Variants in MGST1 observed in about 807,000 individuals in gnomAD.
MGST1 encodes microsomal glutathione S-transferase 1, also known as glutathione S-transferase 12.
Under a neutral mutation model 8.9 loss-of-function variants are expected in MGST1, and 5 were observed. That is an observed-to-expected ratio of 0.56 (90% CI 0.29 to 1.19). The LOEUF is 1.19. Among genes scored for constraint, MGST1 ranks in the 50% most tolerant of loss-of-function variants. The pLI is 0.08. For missense variants in MGST1, 182 were observed against 187.4 expected, an observed-to-expected ratio of 0.97 and a Z score of 0.17; for synonymous variants, 54 against 67.8, an observed-to-expected ratio of 0.80 and a Z score of 1.00.
At chr12:16,409,552 A>G (rs1591719919) in intron 1 of MGST1, among the ~76,000 whole-genome samples, 1 of 152,272 alleles carries the variant, frequency 6.6e-6, no homozygotes, top group African/African-American at 2.4e-5. Flanking sequence ...TCTGAAGTAT[A>G]AATGAATCCT....
At chr12:16,359,656 A>G (rs1939897828) in intron 3 of MGST1, among the ~76,000 whole-genome samples, 1 of 152,240 alleles carries the variant, frequency 6.6e-6, no homozygotes, top group African/African-American at 2.4e-5. Flanking sequence ...ACCACTGAAG[A>G]GACATGAAAA....
chr12:16,510,374 A>C (rs1284749108), intron 4 of MGST1, among the ~76,000 whole-genome samples: 1 of 152,238 alleles, frequency 6.6e-6, no homozygotes, highest in East Asian at 1.9e-4. Context: ...TTTCCTCACA[A>C]ACTTTGCCAG....
At chr12:16,433,093 G>A (rs2193138) in intron 1 of MGST1, among the ~76,000 whole-genome samples, 152,089 of 152,218 alleles carry the variant, frequency 1, 75,980 homozygotes, top group Non-Finnish European at 1. Context: ...GCTGAGGAGC[G>A]AGGAAGCCAG....
At chr12:16,438,672 T>A (rs1174800084) in exon 2 of MGST1, 2 of 151,904 alleles carry the variant, frequency 1.3e-5, no homozygotes, top group Non-Finnish European at 2.9e-5. Flanking sequence ...CTGCTTCGTT[T>A]CCTTCTTTAT....
chr12:16,357,645 G>A lies in MGST1; in HGVS notation c.167G>A (p.Gly56Glu), dbSNP rs1939781049. ...NPEDCVAFGK[G>E]ENAKKYLRTD... ...GAAGACTGTGTAGCATTTGGCAAAG[G>A]AGAAAATGCCAAGAAGTATCTTCGA... The change falls in exon 3 of 4, where the codon GGA (glycine) becomes GAA (glutamate). Residue 56 changes from glycine (G) to glutamate (E), a missense_variant. Coordinates refer to ENST00000396210, the MANE Select transcript of MGST1 (RefSeq NM_020300.5). 1 of 1,613,866 alleles carries A rather than the reference G, an allele frequency of 6.2e-7. No individual in the cohort carries two copies. The highest frequency in any genetic ancestry group is 1.7e-5 in the Admixed American group (1 of 59,970).
intron 4 of MGST1, among the ~76,000 whole-genome samples, chr12:16,502,052 G>C (rs961974889): frequency 6.6e-6 from 1 of 151,974 alleles, no homozygotes; most frequent in African/African-American, 2.4e-5. Flanking sequence ...GCTCAAATCC[G>C]AACAAATAAA....
At chr12:16,352,439 T>C (rs1939511434) in intron 1 of MGST1, among the ~76,000 whole-genome samples, 1 of 152,176 alleles carries the variant, frequency 6.6e-6, no homozygotes, top group Admixed American at 6.5e-5. Flanking sequence ...GAGACAGTAC[T>C]ACATGCCAAG....
chr12:16,549,798 A>C (rs1941919304), intron 4 of MGST1: 2 of 152,050 alleles, frequency 1.3e-5, no homozygotes, highest in African/African-American at 4.8e-5. Context: ...TCATATTCTC[A>C]TTTCCTTAAT....
chr12:16,499,247 C>G (rs1333971178), intron 4 of MGST1, among the ~76,000 whole-genome samples: 1 of 152,182 alleles, frequency 6.6e-6, no homozygotes, highest in East Asian at 1.9e-4. Context: ...TAAAATTATT[C>G]ACTTCGAATA....
Position 16,401,304 on chromosome 12 carries a change from T to C in MGST1, n.778+17700T>C. ...CCAAACTGATGCTGAAAACCATTCC[T>C]GTCTTCAGTTTGTATTGATTTTTAC... On this transcript the variant is annotated intron_variant and non_coding_transcript_variant, in intron 1 of 1. Coordinates refer to the MGST1 transcript ENST00000359720. This position sits in a 1 kb window ranked among gnomAD's most constrained non-coding sequence, Gnocchi z 4.3. 1.4e-6 allele frequency: 2 copies of C among 1,478,816 alleles called. No individual in the cohort carries two copies. The highest frequency in any genetic ancestry group is 1.9e-6 in the Non-Finnish European group (2 of 1,060,044). The allele number at this position is 1,478,816 out of a possible 1,614,324, so 91.6% of individuals were successfully genotyped here. A position where few individuals can be genotyped will look rare whatever the true frequency, so the allele number is the denominator to read the frequency against.
At chr12:16,592,155 ATTAT>A (rs1943514224), downstream of MGST1, among the ~76,000 whole-genome samples, 3 of 152,050 alleles carry the variant, frequency 2.0e-5, no homozygotes, top group Non-Finnish European at 4.4e-5. Flanking sequence ...TTTCACATTC[ATTAT>A]TTATAAGAAC....
chr12:16,361,974 A>G lies in MGST1; in HGVS notation c.222-1821A>G, dbSNP rs994856378. On this transcript the variant is annotated intron_variant, in intron 3 of 3. Coordinates refer to ENST00000396210, the MANE Select transcript of MGST1 (RefSeq NM_020300.5). This position sits in a 1 kb window ranked among gnomAD's most constrained non-coding sequence, Gnocchi z 4.2. ...CTTCTCTGCTTTAACATTCCATTCT[A>G]TTTGTCAACTGCGTAACACAGGCGT... 3.9e-5 allele frequency among the ~76,000 whole-genome samples: 6 copies of G among 151,992 alleles called. No individual in the cohort carries two copies. Among genetic ancestry groups the G allele is most frequent in the Admixed American group, 2.0e-4 (3 of 15,264 alleles).
chr12:16,502,649 A>G (rs1941511884), intron 4 of MGST1, among the ~76,000 whole-genome samples: 1 of 152,236 alleles, frequency 6.6e-6, no homozygotes, highest in South Asian at 2.1e-4. Context: ...CGTATCAAAA[A>G]ACACTGAAGT....
Position 16,547,840 on chromosome 12 carries a change from T to A in MGST1, n.483-41688T>A, listed in dbSNP as rs137919325. On this transcript the variant is annotated intron_variant and non_coding_transcript_variant, in intron 4 of 4. Coordinates refer to the MGST1 transcript ENST00000538857. The surrounding 1 kb of genome is among the most constrained non-coding windows in gnomAD (Gnocchi z 4.6). Reference sequence around the variant, plus strand: ...TTACTGAAGTGAACACTAAACATGTTTGGCCTACATAATTTCTACGAAACT... The same window carrying A: ...TTACTGAAGTGAACACTAAACATGTATGGCCTACATAATTTCTACGAAACT... 1.4e-3 allele frequency among the ~76,000 whole-genome samples: 220 copies of A among 152,282 alleles called. No individual in the cohort carries two copies. The highest frequency in any genetic ancestry group is 4.7e-3 in the African/African-American group (197 of 41,574).
chr12:16,444,332 C>T (rs1415508563), intron 4 of MGST1, among the ~76,000 whole-genome samples: 3 of 151,724 alleles, frequency 2.0e-5, no homozygotes, highest in East Asian at 3.9e-4. Flanking sequence ...ACTACTTTGT[C>T]TCTGATCTTC....
At position 16,587,802 on chromosome 12, in the gene MGST1, A is replaced by C. The variant is rs1943367728; in HGVS notation, n.483-1726A>C. Among the ~76,000 whole-genome samples, 1 of 151,946 alleles carries C rather than the reference A, an allele frequency of 6.6e-6. No homozygotes were observed. The highest frequency in any genetic ancestry group is 2.4e-5 in the African/African-American group (1 of 41,400). ...TGTCTAAAAATCTCACTGTGTCCTG[A>C]ATGGGGGGTTTCAGGGGGAGGGAGA... On this transcript the variant is annotated intron_variant and non_coding_transcript_variant, in intron 4 of 4. Coordinates refer to the MGST1 transcript ENST00000538857. This position sits in a 1 kb window ranked among gnomAD's most constrained non-coding sequence, Gnocchi z 4.3.
At chr12:16,399,660 A>G (rs1940635931) in intron 1 of MGST1, 1 of 1,572,162 alleles carries the variant, frequency 6.4e-7, no homozygotes, top group Non-Finnish European at 8.8e-7. Flanking sequence ...AGGCTCCAGA[A>G]AAGACCAGAC....
intron 3 of MGST1, among the ~76,000 whole-genome samples, chr12:16,359,744 C>G (rs1591699743): frequency 6.6e-6 from 1 of 152,120 alleles, no homozygotes; most frequent in Non-Finnish European, 1.5e-5. Context: ...TAGTCATGGC[C>G]CTGTATTTAT....
At position 16,548,352 on chromosome 12, in the gene MGST1, GC is replaced by G. The variant is rs1941865359; in HGVS notation, n.483-41174del. On this transcript the variant is annotated intron_variant and non_coding_transcript_variant, in intron 4 of 4. Transcript: ENST00000538857. The surrounding 1 kb of genome is among the most constrained non-coding windows in gnomAD (Gnocchi z 4.2). The stretch of plus-strand genomic sequence containing the variant: ...CTTTCTAGAGATCATCTTAAATTTT[GC>G]CAATTAAGTGCAATCAAATAGTGTA... 6.6e-6 allele frequency: 1 copy of G among 151,384 alleles called. No homozygotes were observed. Among genetic ancestry groups the G allele is most frequent in the Non-Finnish European group, 1.5e-5 (1 of 67,886 alleles). The allele number at this position is 151,384 out of a possible 1,614,324, so 9.4% of individuals were successfully genotyped here.
Sources: gnomAD v4.1 joint callset for allele counts (sites outside exome capture counted in the v4.1 genomes callset) on GRCh38, gnomAD v4.1.1 for gene constraint, Gnocchi (gnomAD v3.1) non-coding constraint, MANE v1.5 for transcripts, NCBI Gene and HGNC (gene_info 2026-07-23, HGNC 2026-07-21) for gene names.